Variants in TAFA5 observed in about 807,000 individuals in gnomAD.
TAFA5 encodes the protein chemokine-like protein TAFA-5.
In TAFA5, 6 loss-of-function variants were observed where a neutral mutation model predicts 15.3. The ratio of observed to expected loss-of-function variants is 0.39; its 90% CI spans 0.21 to 0.77. The LOEUF (loss-of-function observed/expected upper bound fraction) is 0.77. Among genes scored for constraint, TAFA5 ranks in the 30% least tolerant of loss-of-function variants. The pLI, the probability that TAFA5 is intolerant of heterozygous loss-of-function variation, is 0.41. For synonymous variants in TAFA5, 103 were observed against 80.7 expected (o/e 1.28, Z -1.48); for missense variants, 161 against 193.1 (o/e 0.83, Z 0.98).
chr22:48,491,304 G>C (rs1459439400), intron 1 of TAFA5, among the ~76,000 whole-genome samples: 1 of 152,210 alleles, frequency 6.6e-6, no homozygotes, highest in African/African-American at 2.4e-5. Context: ...TGTAGAAAGG[G>C]TTAATGGCAG....
chr22:48,679,759 G>C (rs1363980923), intron 2 of TAFA5, among the ~76,000 whole-genome samples: 14 of 130,292 alleles, frequency 1.1e-4, no homozygotes, highest in South Asian at 2.4e-4. Context: ...CCAGCTCCCC[G>C]TCCATCCCTC....
At chr22:48,590,051 G>C (rs1202128324) in intron 1 of TAFA5, among the ~76,000 whole-genome samples, 1 of 152,048 alleles carries the variant, frequency 6.6e-6, no homozygotes, top group Non-Finnish European at 1.5e-5. Context: ...TCTCTGGTCA[G>C]CGTGGCTGGC....
chr22:48,683,581 C>T (rs1054652257), intron 2 of TAFA5, among the ~76,000 whole-genome samples: 7 of 152,248 alleles, frequency 4.6e-5, no homozygotes, highest in East Asian at 3.9e-4. Flanking sequence ...GGTTCCTCCA[C>T]GGCTCAGGAA....
At chr22:48,536,237 G>T (rs1177562957) in intron 1 of TAFA5, among the ~76,000 whole-genome samples, 1 of 152,250 alleles carries the variant, frequency 6.6e-6, no homozygotes, top group African/African-American at 2.4e-5. Flanking sequence ...GAAACCTACC[G>T]TCCCCGGCTC....
chr22:48,649,104 A>G (rs1926965293), intron 2 of TAFA5, among the ~76,000 whole-genome samples: 2 of 152,152 alleles, frequency 1.3e-5, no homozygotes, highest in Non-Finnish European at 2.9e-5. Context: ...ATAGGAAGGG[A>G]AGAAGGGGAA....
Position 48,672,152 on chromosome 22 carries a change from G to C in TAFA5, c.262+25406G>C, listed in dbSNP as rs139598066. ...CGAAGTTTCCTTCTCTGAACTCTGA[G>C]TGTCAACAGCCTTTGTTCTTGGCTT... On this transcript the variant is annotated intron_variant, in intron 2 of 3. Transcript: ENST00000402357. 1.7e-3 allele frequency among the ~76,000 whole-genome samples: 256 copies of C among 152,340 alleles called. 3 individuals carry two copies. The highest frequency in any genetic ancestry group is 0.014 in the Admixed American group (219 of 15,308).
At chr22:48,653,182 G>A (rs1267818444) in intron 2 of TAFA5, among the ~76,000 whole-genome samples, 1 of 152,236 alleles carries the variant, frequency 6.6e-6, no homozygotes, top group East Asian at 1.9e-4. Context: ...AGGCGCCTGG[G>A]GGCTGTTGGC....
chr22:48,532,029 G>A (rs541614237), intron 1 of TAFA5, among the ~76,000 whole-genome samples: 2 of 152,216 alleles, frequency 1.3e-5, no homozygotes, highest in Non-Finnish European at 2.9e-5. Flanking sequence ...GCTGGTCACT[G>A]TGCATCCAGA....
chr22:48,491,845 C>T (rs946996840), intron 1 of TAFA5, among the ~76,000 whole-genome samples: 4 of 152,228 alleles, frequency 2.6e-5, no homozygotes, highest in Non-Finnish European at 5.9e-5. Context: ...CATCCCTCCT[C>T]CTTAGGAGGC....
At chr22:48,507,816 C>T (rs999694353) in intron 1 of TAFA5, among the ~76,000 whole-genome samples, 2 of 152,122 alleles carry the variant, frequency 1.3e-5, no homozygotes, top group African/African-American at 2.4e-5. Flanking sequence ...GGACAGCGCC[C>T]CCTCCCCAAG....
At chr22:48,683,550 G>A (rs962426882) in intron 2 of TAFA5, among the ~76,000 whole-genome samples, 8 of 152,350 alleles carry the variant, frequency 5.3e-5, no homozygotes, top group East Asian at 1.9e-4. Flanking sequence ...AGGTCGTTGG[G>A]CCACAGACCG....
At chr22:48,542,297 ATG>A (rs934614405) in intron 1 of TAFA5, among the ~76,000 whole-genome samples, 2 of 15,464 alleles carry the variant, frequency 1.3e-4, no homozygotes, top group Admixed American at 8.0e-4. Flanking sequence ...TGCATGTGTG[ATG>A]TGTGTGTAGT....
intron 1 of TAFA5, among the ~76,000 whole-genome samples, chr22:48,584,591 C>G (rs951829021): frequency 1.3e-5 from 2 of 148,608 alleles, no homozygotes; most frequent in African/African-American, 5.0e-5. Flanking sequence ...AAATACACCT[C>G]ACACACACCA....
intron 3 of TAFA5, among the ~76,000 whole-genome samples, chr22:48,739,132 C>A (rs192961661): frequency 6.6e-6 from 1 of 152,312 alleles, no homozygotes; most frequent in Non-Finnish European, 1.5e-5. Flanking sequence ...TGAGAACCCT[C>A]CCCCGCACCA....
chr22:48,517,852 G>A (rs1346490090), intron 1 of TAFA5, among the ~76,000 whole-genome samples: 3 of 152,348 alleles, frequency 2.0e-5, no homozygotes, highest in South Asian at 2.1e-4. Flanking sequence ...GGGCAGGCAC[G>A]GCCGGGTGGG....
At chr22:48,587,441 G>C (rs1221984210) in intron 1 of TAFA5, among the ~76,000 whole-genome samples, 2 of 152,184 alleles carry the variant, frequency 1.3e-5, no homozygotes, top group Non-Finnish European at 1.5e-5. Context: ...GGCAGTCCAG[G>C]TGTGGGCTGC....
chr22:48,624,915 C>T (rs967883752), intron 1 of TAFA5, among the ~76,000 whole-genome samples: 1 of 152,024 alleles, frequency 6.6e-6, no homozygotes, highest in Non-Finnish European at 1.5e-5. Flanking sequence ...GCCTGGCCAA[C>T]GTGGCAAAAC....
chr22:48,572,071 T>G (rs1218183552), intron 1 of TAFA5, among the ~76,000 whole-genome samples: 1 of 152,214 alleles, frequency 6.6e-6, no homozygotes, highest in Non-Finnish European at 1.5e-5. Context: ...TTGAGAATGA[T>G]ACTATTTAGA....
At position 48,617,753 on chromosome 22, in the gene TAFA5, C is replaced by T. The variant is rs181926390; in HGVS notation, c.113-28844C>T. ...TGGTGCATCCCTGGTGAGATGTCTG[C>T]GGTGACACGACCACATGCCTGCTGG... On this transcript the variant is annotated intron_variant, in intron 1 of 3. Coordinates refer to ENST00000402357, the MANE Select transcript of TAFA5 (RefSeq NM_001082967.3). Among the ~76,000 whole-genome samples, 14 of 152,300 alleles carry T rather than the reference C, an allele frequency of 9.2e-5. No homozygotes were observed. The South Asian group carries it at 1.2e-3, about 14-fold the overall frequency.
Sources: allele counts gnomAD v4.1 joint callset (sites outside exome capture counted in the v4.1 genomes callset), GRCh38; gene constraint gnomAD v4.1.1; transcripts MANE v1.5; gene names NCBI Gene and HGNC (gene_info 2026-07-23, HGNC 2026-07-21).